The following EPB41L5 variants were observed in gnomAD, a reference collection of about 807,000 sequenced individuals.
The protein encoded by EPB41L5 is erythrocyte membrane protein band 4.1 like 5.
A neutral mutation model predicts 106.6 loss-of-function variants in EPB41L5; 55 were observed. The ratio of observed to expected loss-of-function variants is 0.52; its 90% CI spans 0.42 to 0.65. The LOEUF is 0.65. EPB41L5 is among the 30% of genes least tolerant of loss of function. EPB41L5 has a pLI of 0.00. For missense variants in EPB41L5, 871 were observed against 882.1 expected, an observed-to-expected ratio of 0.99 and a Z score of 0.16; for synonymous variants, 297 against 306.7, an observed-to-expected ratio of 0.97 and a Z score of 0.33.
At chr2:120,170,132 T>C (rs1401433317) in intron 24 of EPB41L5, among the ~76,000 whole-genome samples, 1 of 152,232 alleles carries the variant, frequency 6.6e-6, no homozygotes, top group Non-Finnish European at 1.5e-5. Context: ...AACTGCACAT[T>C]AGCAGTTGAC....
At chr2:120,120,413 C>A (rs1393276206) in intron 16 of EPB41L5, among the ~76,000 whole-genome samples, 1 of 116,530 alleles carries the variant, frequency 8.6e-6, no homozygotes, top group Non-Finnish European at 1.6e-5. Flanking sequence ...GCCTGGGTGA[C>A]AGAGCGACAC....
chr2:120,100,708 A>T lies in EPB41L5; in HGVS notation c.1231A>T (p.Met411Leu), dbSNP rs769660565. ...QSNGSQQAWG[M>L]RSALPVSPSI... ...TAATTTTTGTCCAAAGGCTTGGGGG[A>T]TGAGATCTGCTCTGCCTGTGAGTCC... The change falls in exon 16 of 25, where the codon ATG becomes TTG. Residue 411 changes from methionine (M) to leucine (L), a missense_variant. Physicochemically the swap from Met to Leu is conservative, Grantham distance 15. Transcript: ENST00000263713. 1 of 1,613,446 alleles carries T rather than the reference A, an allele frequency of 6.2e-7. No homozygotes were observed.
At chr2:120,159,507 T>A (rs1419539342) in intron 20 of EPB41L5, among the ~76,000 whole-genome samples, 1 of 151,886 alleles carries the variant, frequency 6.6e-6, no homozygotes, top group Non-Finnish European at 1.5e-5. Flanking sequence ...CAATGCTATT[T>A]CTGTTAAACT....
At chr2:120,030,489 A>G (rs1458597553) in intron 2 of EPB41L5, among the ~76,000 whole-genome samples, 2 of 152,150 alleles carry the variant, frequency 1.3e-5, no homozygotes, top group African/African-American at 4.8e-5. Context: ...TTTGACCCCT[A>G]TGATTCCATC....
intron 3 of EPB41L5, among the ~76,000 whole-genome samples, chr2:120,043,215 C>G (rs905065677): frequency 6.6e-6 from 1 of 151,960 alleles, no homozygotes; most frequent in Non-Finnish European, 1.5e-5. Context: ...TTTGGCGCAT[C>G]CTTGAAATTA....
intron 10 of EPB41L5, among the ~76,000 whole-genome samples, chr2:120,083,966 C>T (rs565003720): frequency 6.6e-6 from 1 of 152,194 alleles, no homozygotes; most frequent in Non-Finnish European, 1.5e-5. Context: ...GATCTTCCTC[C>T]ATCCCTTTAT....
At chr2:120,044,665 A>T (rs1243290273) in intron 3 of EPB41L5, among the ~76,000 whole-genome samples, 1 of 152,194 alleles carries the variant, frequency 6.6e-6, no homozygotes, top group Non-Finnish European at 1.5e-5. Flanking sequence ...AATATTAGCA[A>T]TTACTGAATT....
At chr2:120,045,511 A>C (rs1418681726) in intron 3 of EPB41L5, among the ~76,000 whole-genome samples, 1 of 152,136 alleles carries the variant, frequency 6.6e-6, no homozygotes. Flanking sequence ...AGCACACTTC[A>C]CAACTCAATA....
At chr2:120,034,815 T>G (rs371580911) in intron 2 of EPB41L5, among the ~76,000 whole-genome samples, 1 of 152,182 alleles carries the variant, frequency 6.6e-6, no homozygotes, top group Admixed American at 6.5e-5. Context: ...TGGTGAGCCA[T>G]GCATGCCGCT....
chr2:120,116,887 T>G (rs939323482), intron 16 of EPB41L5, among the ~76,000 whole-genome samples: 2 of 152,112 alleles, frequency 1.3e-5, no homozygotes, highest in Non-Finnish European at 2.9e-5. Flanking sequence ...AATACACTAG[T>G]GTGTTTGTGA....
intron 2 of EPB41L5, among the ~76,000 whole-genome samples, chr2:120,040,793 A>G (rs2105205675): frequency 6.6e-6 from 1 of 152,322 alleles, no homozygotes; most frequent in Non-Finnish European, 1.5e-5. Context: ...GATGAAAGGA[A>G]ATATAGATGA....
intron 1 of EPB41L5, among the ~76,000 whole-genome samples, chr2:120,018,858 C>G (rs1410294306): frequency 6.6e-6 from 1 of 152,102 alleles, no homozygotes; most frequent in Non-Finnish European, 1.5e-5. Context: ...GTTGCCCAGG[C>G]TGGTCTTGAA....
chr2:120,154,169 A>T (rs1161496021), intron 20 of EPB41L5, among the ~76,000 whole-genome samples: 11 of 136,704 alleles, frequency 8.0e-5, no homozygotes, highest in African/African-American at 1.9e-4. Context: ...TTATTTATTT[A>T]TTTTTTGAGA....
chr2:120,145,891 A>T (rs759293124), intron 19 of EPB41L5, among the ~76,000 whole-genome samples: 1 of 152,118 alleles, frequency 6.6e-6, no homozygotes, highest in Non-Finnish European at 1.5e-5. Context: ...GGTTGCAGTG[A>T]GCTGAGATTG....
intron 2 of EPB41L5, among the ~76,000 whole-genome samples, chr2:120,041,599 A>T (rs1292674853): frequency 2.0e-5 from 3 of 152,152 alleles, no homozygotes; most frequent in Non-Finnish European, 4.4e-5. Context: ...ATCTGTTTGC[A>T]AGTGTAGTTT....
At chr2:120,173,905 G>T (rs986902266) in intron 24 of EPB41L5, among the ~76,000 whole-genome samples, 1 of 152,116 alleles carries the variant, frequency 6.6e-6, no homozygotes, top group African/African-American at 2.4e-5. Context: ...GACTGGTCCC[G>T]AACTCCTGGT....
At chr2:120,145,241 G>C (rs1686345272) in intron 19 of EPB41L5, among the ~76,000 whole-genome samples, 1 of 152,182 alleles carries the variant, frequency 6.6e-6, no homozygotes, top group Non-Finnish European at 1.5e-5. Context: ...TTGCCCAAGA[G>C]AAATCAAAAC....
At chr2:120,057,186 G>A (rs1445746535) in intron 3 of EPB41L5, among the ~76,000 whole-genome samples, 2 of 152,140 alleles carry the variant, frequency 1.3e-5, no homozygotes, top group Non-Finnish European at 2.9e-5. Flanking sequence ...TACCACGTCT[G>A]GCTGTGTTTT....
At chr2:120,109,613 A>G (rs1684628963) in intron 16 of EPB41L5, among the ~76,000 whole-genome samples, 1 of 152,166 alleles carries the variant, frequency 6.6e-6, no homozygotes, top group African/African-American at 2.4e-5. Flanking sequence ...CAAGACCATC[A>G]TTTGAGCAAT....
Sources: allele counts gnomAD v4.1 joint callset (sites outside exome capture counted in the v4.1 genomes callset), GRCh38; gene constraint gnomAD v4.1.1; transcripts MANE v1.5; gene names NCBI Gene and HGNC (gene_info 2026-07-23, HGNC 2026-07-21).